LONP1: variants seen among roughly 807,000 people sequenced by gnomAD.
LONP1 encodes lon protease homolog, mitochondrial.
A neutral mutation model predicts 98.5 loss-of-function variants in LONP1; 31 were observed. That is an observed-to-expected ratio of 0.31 (90% confidence interval 0.24 to 0.42). The LOEUF (loss-of-function observed/expected upper bound fraction) is 0.42. Ranked by LOEUF, LONP1 falls within the 20% of genes least tolerant of loss-of-function variation. The pLI is 1.00. For synonymous variants in LONP1, 781 were observed against 594.7 expected (o/e 1.31, Z -4.56); for missense variants, 1,336 against 1,350.6 (o/e 0.99, Z 0.17).
chr19:5,720,051 C>A lies in LONP1; in HGVS notation c.82G>T (p.Gly28Trp), dbSNP rs762047601. Residue 28 changes from glycine (G) to tryptophan (W), a missense_variant, in exon 1 of 18, where the codon GGG becomes TGG. By Grantham distance (184) the Gly-to-Trp change is radical. Around this residue, in one of 5 missense-constraint regions of LONP1, gnomAD observed 457 missense variants for 403.1 expected, o/e 1.13. Coordinates refer to ENST00000360614, the MANE Select transcript of LONP1 (RefSeq NM_004793.4). ...CCTGCTGCAGTGGGAACCCGCCCCCCGGCGGCGGCCAGCATCGGCCGCCGC... is the reference window on the plus strand; with the variant it reads ...CCTGCTGCAGTGGGAACCCGCCCCCAGGCGGCGGCCAGCATCGGCCGCCGC... Reference protein sequence around the residue: ...VLRRPMLAAAGGRVPTAAGAW... With the variant: ...VLRRPMLAAAWGRVPTAAGAW... 6.5e-7 allele frequency: 1 copy of A among 1,538,026 alleles called. No individual in the cohort carries two copies. Among genetic ancestry groups the A allele is most frequent in the Admixed American group, 2.0e-5 (1 of 49,898 alleles).
chr19:5,705,621 ACAGGG>A (rs1041593083), intron 8 of LONP1, 146 bp downstream of exon 8: 4 of 635,692 alleles, frequency 6.3e-6, no homozygotes, highest in African/African-American at 5.5e-5. Flanking sequence ...CCTGCCCAGA[ACAGGG>A]CTGATACTCG....
chr19:5,713,337 G>C, intron 2 of LONP1, 84 bp from the exon 3 acceptor site: 116 of 1,214,822 alleles, frequency 9.5e-5, no homozygotes, highest in Non-Finnish European at 1.1e-4. Context: ...AGGAGGGAGA[G>C]AAAAGAAACG....
Position 5,707,197 on chromosome 19 carries a change from T to TTAC in LONP1, c.1063-55_1063-54insGTA, listed in dbSNP as rs987058981. 2.2e-5 allele frequency: 32 copies of TTAC among 1,459,134 alleles called. No individual in the cohort carries two copies. In the African/African-American group the frequency reaches 4.3e-4, roughly 20 times the overall value. 90.4% of individuals were successfully genotyped at this position (1,459,134 alleles called of 1,614,324 possible). The stretch of plus-strand genomic sequence containing the variant: ...GAGCAGAAGTCGGCATCTGTGTGTG[T>TTAC]AGGGCCGAGGTTGGGGGAAAATGCG... On this transcript the variant is annotated intron_variant, in intron 6 of 17. Coordinates refer to ENST00000360614, the MANE Select transcript of LONP1 (RefSeq NM_004793.4).
chr19:5,698,633 G>C (rs1179891673), intron 10 of LONP1, among the ~76,000 whole-genome samples: 1 of 152,200 alleles, frequency 6.6e-6, no homozygotes, highest in Admixed American at 6.5e-5. Context: ...CTTCGGGGTG[G>C]GGGGTGGAGC....
chr19:5,708,161 G>A (rs1038761680), intron 5 of LONP1, 181 bp downstream of exon 5: 11 of 642,272 alleles, frequency 1.7e-5, no homozygotes, highest in East Asian at 5.5e-5. Flanking sequence ...CTGCTGAGTC[G>A]GCCCCGGGCC....
Position 5,695,251 on chromosome 19 carries a change from A to G in LONP1, c.2014-350T>C, listed in dbSNP as rs140884458. On this transcript the variant is annotated intron_variant, in intron 13 of 17. Coordinates refer to ENST00000360614, the MANE Select transcript of LONP1 (RefSeq NM_004793.4). The stretch of plus-strand genomic sequence containing the variant: ...GTTACGTGGCTGCTGCCCTCAGCAC[A>G]TGAGGAAGGGGACTGGGTCAGGGGC... Among the ~76,000 whole-genome samples, 406 of 152,214 alleles carry G rather than the reference A, an allele frequency of 2.7e-3. 13 individuals carry two copies. In the East Asian group the frequency reaches 0.065, roughly 24 times the overall value.
chr19:5,713,375 G>A (rs961656163), intron 2 of LONP1, 122 bp from the exon 3 acceptor site: 16 of 1,278,232 alleles, frequency 1.3e-5, no homozygotes, highest in Middle Eastern at 3.8e-4. Context: ...TGAAAACCAA[G>A]AGCGGCCTCC....
Position 5,700,932 on chromosome 19 carries a change from C to G in LONP1, c.1368-5G>C. ...TCTAGGTAGTTGCGGGTGACACTGC[C>G]AGGGGACAGATGGAGAGATGCTGAG... On this transcript the variant is annotated splice_region_variant and splice_polypyrimidine_tract_variant and intron_variant, in intron 8 of 17. Coordinates refer to ENST00000360614, the MANE Select transcript of LONP1 (RefSeq NM_004793.4). The G allele has an allele frequency of 6.2e-7, 1 of 1,614,110 alleles. No homozygotes were observed. Among genetic ancestry groups the G allele is most frequent in the Non-Finnish European group, 8.5e-7 (1 of 1,179,996 alleles).
Position 5,719,697 on chromosome 19 carries a change from C to T in LONP1, c.429+7G>A, listed in dbSNP as rs1431434716. On this transcript the variant is annotated splice_region_variant and intron_variant, in intron 1 of 17. Transcript: ENST00000360614. ...AAACCTGAGGCCGAGGCGGGGACTC[C>T]CATTACCTCGATAATCTTGATAAAG... 6.2e-7 allele frequency: 1 copy of T among 1,613,632 alleles called. No individual in the cohort carries two copies. Among genetic ancestry groups the T allele is most frequent in the African/African-American group, 1.3e-5 (1 of 74,950 alleles).
intron 17 of LONP1, 125 bp downstream of exon 17, chr19:5,693,173 C>A: frequency 2.5e-6 from 3 of 1,219,454 alleles, no homozygotes; most frequent in Non-Finnish European, 3.4e-6. Flanking sequence ...GCCAGAGAGA[C>A]CTGCTTCCAA....
In LONP1 at chr19:5,707,945, G is replaced by C. The variant is rs568463686; in HGVS notation, c.933-119C>G. ...CCCCTGTAGCTATGGGCACGGTCTA[G>C]GGGTGCTCGCTGGGAGCCAGCTCTG... On this transcript the variant is annotated intron_variant, in intron 5 of 17. Transcript: ENST00000360614. 29 of 1,202,222 alleles carry C rather than the reference G, an allele frequency of 2.4e-5. No individual in the cohort carries two copies. In the South Asian group the frequency reaches 4.2e-4, roughly 17 times the overall value. 74.5% of individuals were successfully genotyped at this position (1,202,222 alleles called of 1,614,324 possible). A position where few individuals can be genotyped will look rare whatever the true frequency, so the allele number is the denominator to read the frequency against.
chr19:5,710,801 G>A (rs192764698), intron 4 of LONP1, among the ~76,000 whole-genome samples: 14 of 152,186 alleles, frequency 9.2e-5, no homozygotes, highest in African/African-American at 2.2e-4. Context: ...TGAGGTGGGC[G>A]GATCACCCGA....
intron 1 of LONP1, among the ~76,000 whole-genome samples, chr19:5,715,658 AAAAAAAAAAAAAAAAAAAAAAG>A (rs2055306327): frequency 1.8e-5 from 2 of 113,022 alleles, no homozygotes; most frequent in Non-Finnish European, 3.8e-5. Flanking sequence ...AAAAAAAAAA[AAAAAAAAAAAAAAAAAAAAAAG>A]AAAGTTTCAC....
At chr19:5,714,314 T>A in intron 1 of LONP1, 43 bp from the exon 2 acceptor site, 1 of 1,420,350 alleles carries the variant, frequency 7.0e-7, no homozygotes, top group Non-Finnish European at 9.9e-7. Flanking sequence ...GAGTAGATTT[T>A]TTTTTTGAGA....
intron 8 of LONP1, among the ~76,000 whole-genome samples, chr19:5,703,288 C>T (rs1048837333): frequency 5.3e-5 from 8 of 151,962 alleles, no homozygotes; most frequent in African/African-American, 1.9e-4. Flanking sequence ...AGAGCCAAGA[C>T]GGCACTGGCT....
chr19:5,700,506 TC>T (rs149360759), intron 9 of LONP1, among the ~76,000 whole-genome samples: 1,907 of 152,262 alleles, frequency 0.013, 45 homozygotes, highest in African/African-American at 0.044. Flanking sequence ...AGCCTCAACT[TC>T]CTGGGCTCAA....
chr19:5,710,159 C>G (rs867137385), intron 4 of LONP1, among the ~76,000 whole-genome samples: 8 of 151,204 alleles, frequency 5.3e-5, no homozygotes, highest in South Asian at 2.1e-4. Context: ...TCTCGGCTCA[C>G]CGCAACCTCT....
At position 5,719,761 on chromosome 19, in the gene LONP1, C is replaced by T. The variant is rs1437923028; in HGVS notation, c.372G>A (p.Leu124=). 6.2e-7 allele frequency: 1 copy of T among 1,613,688 alleles called. No homozygotes were observed. The highest frequency in any genetic ancestry group is 8.5e-7 in the Non-Finnish European group (1 of 1,180,008). ...PMTIPDVFPH[L]PLIAITRNPV... is the part of the protein sequence containing the mutation. ...GGTTGCGGGTGATGGCGATGAGCGG[C>T]AGGTGCGGAAACACATCGGGGATCG... Residue 124 remains leucine, a synonymous_variant, in exon 1 of 18, where the codon CTG becomes CTA. Transcript: ENST00000360614.
intron 3 of LONP1, among the ~76,000 whole-genome samples, chr19:5,712,839 C>G (rs1000692097): frequency 6.6e-6 from 1 of 152,114 alleles, no homozygotes; most frequent in Non-Finnish European, 1.5e-5. Flanking sequence ...GCTACGTTGC[C>G]CAGGCTGGAC....
Sources: gnomAD v4.1 joint callset for allele counts (sites outside exome capture counted in the v4.1 genomes callset) on GRCh38, gnomAD v4.1.1 for gene constraint, gnomAD v4.1.1 regional missense constraint, MANE v1.5 for transcripts, NCBI Gene and HGNC (gene_info 2026-07-23, HGNC 2026-07-21) for gene names.